The following CDH4 variants were observed in gnomAD, a reference collection of about 807,000 sequenced individuals.
The protein encoded by CDH4 is cadherin 4, also known as cadherin-4.
Under a neutral mutation model 86.0 loss-of-function variants are expected in CDH4, and 33 were observed. That is an observed-to-expected ratio of 0.38 (90% CI 0.29 to 0.51). The LOEUF (loss-of-function observed/expected upper bound fraction) is 0.51. Ranked by LOEUF, CDH4 falls within the 20% of genes least tolerant of loss-of-function variation. The pLI, the probability that CDH4 is intolerant of heterozygous loss-of-function variation, is 0.86. For synonymous variants in CDH4, 555 were observed against 549.4 expected, an observed-to-expected ratio of 1.01 and a Z score of -0.14; for missense variants, 1,114 against 1,307.4, an observed-to-expected ratio of 0.85 and a Z score of 2.28.
chr20:61,644,713 G>A (rs1328879541), intron 2 of CDH4, among the ~76,000 whole-genome samples: 1 of 152,210 alleles, frequency 6.6e-6, no homozygotes, highest in Non-Finnish European at 1.5e-5. Context: ...CGTCTATGTG[G>A]TGGGGCTCTG....
chr20:61,492,103 T>G (rs1382174022), intron 2 of CDH4, among the ~76,000 whole-genome samples: 1 of 151,038 alleles, frequency 6.6e-6, no homozygotes, highest in African/African-American at 2.4e-5. Context: ...GGTGGTGGTG[T>G]TGATGTTGGT....
intron 6 of CDH4, among the ~76,000 whole-genome samples, chr20:61,873,138 G>A (rs893299693): frequency 1.3e-5 from 2 of 152,172 alleles, no homozygotes; most frequent in African/African-American, 4.8e-5. Flanking sequence ...AAATGCCAGC[G>A]GCCCCCAGTC....
At chr20:61,870,103 TC>T (rs999324216) in intron 6 of CDH4, among the ~76,000 whole-genome samples, 17 of 151,996 alleles carry the variant, frequency 1.1e-4, no homozygotes, top group African/African-American at 3.9e-4. Flanking sequence ...GTGCTGGGAG[TC>T]CTGGGCTGAC....
intron 7 of CDH4, among the ~76,000 whole-genome samples, chr20:61,888,967 A>G (rs747470255): frequency 6.6e-6 from 1 of 152,224 alleles, no homozygotes; most frequent in Non-Finnish European, 1.5e-5. Flanking sequence ...AATAGTGAAC[A>G]GGAACATGCT....
intron 2 of CDH4, among the ~76,000 whole-genome samples, chr20:61,683,216 A>G (rs2087536457): frequency 1.3e-5 from 2 of 152,186 alleles, no homozygotes; most frequent in South Asian, 4.1e-4. Flanking sequence ...ACGTCTGTGC[A>G]GTATAGGGCA....
intron 7 of CDH4, among the ~76,000 whole-genome samples, chr20:61,875,053 C>T (rs914546508): frequency 2.0e-5 from 3 of 152,218 alleles, no homozygotes; most frequent in Admixed American, 6.5e-5. Context: ...TTGCTGGTGT[C>T]GCTTTTGGGG....
chr20:61,656,278 T>C (rs1171721122), intron 2 of CDH4, among the ~76,000 whole-genome samples: 316 of 70,586 alleles, frequency 4.5e-3, no homozygotes, highest in African/African-American at 0.019. Flanking sequence ...CGTGCTGGGG[T>C]GGGCAGGCGC....
At chr20:61,587,988 A>G (rs1420264209) in intron 2 of CDH4, among the ~76,000 whole-genome samples, 4 of 152,106 alleles carry the variant, frequency 2.6e-5, no homozygotes, top group African/African-American at 9.7e-5. Flanking sequence ...ATGTCTGTAA[A>G]AGTGTACAGA....
In CDH4 at chr20:61,409,648, T is replaced by C. The variant is rs946084195; in HGVS notation, c.169+154711T>C. Reference sequence around the variant, plus strand: ...GTCCTAAGCAGGCAGAGCCGCTGCGTGTGACACAGGTTGGTCGCAGAAATC... The same window carrying C: ...GTCCTAAGCAGGCAGAGCCGCTGCGCGTGACACAGGTTGGTCGCAGAAATC... On this transcript the variant is annotated intron_variant, in intron 2 of 15. Transcript: ENST00000614565. Among the ~76,000 whole-genome samples the C allele has an allele frequency of 6.6e-5, 10 of 152,364 alleles. No individual in the cohort carries two copies. In the East Asian group the frequency reaches 1.7e-3, roughly 27 times the overall value.
intron 2 of CDH4, among the ~76,000 whole-genome samples, chr20:61,478,889 A>G (rs557065263): frequency 6.6e-6 from 1 of 152,146 alleles, no homozygotes; most frequent in Non-Finnish European, 1.5e-5. Context: ...CATCCTGGCC[A>G]TGCAGGTTTG....
chr20:61,295,772 C>A (rs2084348527), intron 2 of CDH4, among the ~76,000 whole-genome samples: 1 of 152,170 alleles, frequency 6.6e-6, no homozygotes, highest in Non-Finnish European at 1.5e-5. Context: ...CCCTTACCAG[C>A]TCCTCGTGCC....
intron 9 of CDH4, among the ~76,000 whole-genome samples, chr20:61,917,310 C>G (rs2054913631): frequency 6.6e-6 from 1 of 152,266 alleles, no homozygotes; most frequent in South Asian, 2.1e-4. Flanking sequence ...AGCACGGCCT[C>G]TTGTCTCCCT....
chr20:61,762,406 A>G (rs970944675), intron 3 of CDH4, among the ~76,000 whole-genome samples: 1 of 152,120 alleles, frequency 6.6e-6, no homozygotes, highest in Non-Finnish European at 1.5e-5. Flanking sequence ...CCCACTGTTC[A>G]CCCACATTTC....
At chr20:61,750,121 G>C (rs181489247) in intron 3 of CDH4, among the ~76,000 whole-genome samples, 3 of 150,090 alleles carry the variant, frequency 2.0e-5, no homozygotes, top group Non-Finnish European at 4.4e-5. Context: ...AAAAATAACT[G>C]AAAATGAGAC....
At chr20:61,362,019 C>T (rs1430179665) in intron 2 of CDH4, among the ~76,000 whole-genome samples, 1 of 152,236 alleles carries the variant, frequency 6.6e-6, no homozygotes, top group African/African-American at 2.4e-5. Flanking sequence ...CCAGTTGGAG[C>T]AGCTCGGAGA....
rs2087803791 is a variant in CDH4, at chr20:61,703,985, CTG to C, written c.170-39577_170-39576del. Among the ~76,000 whole-genome samples the C allele has an allele frequency of 6.6e-6, 1 of 152,080 alleles. No individual in the cohort carries two copies. Among genetic ancestry groups the C allele is most frequent in the South Asian group, 2.1e-4 (1 of 4,810 alleles). On this transcript the variant is annotated intron_variant, in intron 2 of 15. Transcript: ENST00000614565. This position sits in a 1 kb window ranked among gnomAD's most constrained non-coding sequence, Gnocchi z 4.3. The stretch of plus-strand genomic sequence containing the variant: ...GATGAGGGTGGCAGAGTCACAGCCG[CTG>C]GGAGTGGCCGGGCAGGTGGCTGTGC...
intron 2 of CDH4, among the ~76,000 whole-genome samples, chr20:61,319,202 T>C (rs1239618845): frequency 9.6e-6 from 1 of 104,506 alleles, no homozygotes; most frequent in Admixed American, 1.1e-4. Flanking sequence ...ATAAATATTA[T>C]AATATATAAT....
intron 2 of CDH4, among the ~76,000 whole-genome samples, chr20:61,364,363 G>C (rs570374282): frequency 6.6e-6 from 1 of 152,284 alleles, no homozygotes; most frequent in East Asian, 1.9e-4. Context: ...GGCTATCCCT[G>C]GGGGCTCCTC....
chr20:61,564,418 G>A (rs1189754116), intron 2 of CDH4, among the ~76,000 whole-genome samples: 4 of 152,204 alleles, frequency 2.6e-5, no homozygotes. Flanking sequence ...GATCCCTCAT[G>A]AATGGTTTAG....
Sources: allele counts gnomAD v4.1 joint callset (sites outside exome capture counted in the v4.1 genomes callset), GRCh38; gene constraint gnomAD v4.1.1; non-coding constraint Gnocchi (gnomAD v3.1); transcripts MANE v1.5; gene names NCBI Gene and HGNC (gene_info 2026-07-23, HGNC 2026-07-21).